XPO4: variants seen among roughly 807,000 people sequenced by gnomAD.
XPO4 encodes exportin-4.
XPO4 carries 39 observed loss-of-function variants against 143.0 expected under a neutral mutation model. That is an observed-to-expected ratio of 0.27 (90% CI 0.21 to 0.36). The LOEUF is 0.36. XPO4 is among the 10% of genes least tolerant of loss of function. XPO4 has a pLI of 1.00. For synonymous variants in XPO4, 439 were observed against 474.0 expected, an observed-to-expected ratio of 0.93 and a Z score of 0.96; for missense variants, 907 against 1,348.0, an observed-to-expected ratio of 0.67 and a Z score of 5.12.
chr13:20,888,513 GA>G (rs759679623), intron 1 of XPO4, among the ~76,000 whole-genome samples: 38 of 152,120 alleles, frequency 2.5e-4, no homozygotes, highest in Non-Finnish European at 3.4e-4. Context: ...TCCACACATG[GA>G]TAATTTTTTA....
In XPO4 at chr13:20,782,498, A is replaced by C. The variant is rs1213357714; in HGVS notation, c.*1224T>G. 2 of 152,678 alleles carry C rather than the reference A, an allele frequency of 1.3e-5. No individual in the cohort carries two copies. The highest frequency in any genetic ancestry group is 4.8e-5 in the African/African-American group (2 of 41,452). 9.5% of individuals were successfully genotyped at this position (152,678 alleles called of 1,614,324 possible). A position where few individuals can be genotyped will look rare whatever the true frequency, so the allele number is the denominator to read the frequency against. On this transcript the variant is annotated 3_prime_UTR_variant, in exon 23 of 23. Coordinates refer to ENST00000255305, the MANE Select transcript of XPO4 (RefSeq NM_022459.5). ...ATTTTTAATCTCTGAAATTAAATTC[A>C]CTGGCTCCCATGTCTGGATAAGAAT...
At chr13:20,857,578 T>A (rs2060156219) in intron 3 of XPO4, among the ~76,000 whole-genome samples, 1 of 150,682 alleles carries the variant, frequency 6.6e-6, no homozygotes, top group Admixed American at 6.6e-5. Flanking sequence ...AAAAAAAAAA[T>A]TAGCCAGGCG....
At chr13:20,897,063 GCTT>G (rs2060576432) in intron 1 of XPO4, among the ~76,000 whole-genome samples, 1 of 152,054 alleles carries the variant, frequency 6.6e-6, no homozygotes, top group South Asian at 2.1e-4. Context: ...CTATTAATTA[GCTT>G]TTTTGAGAAA....
At chr13:20,853,369 T>TA (rs1456397317) in intron 4 of XPO4, among the ~76,000 whole-genome samples, 1 of 145,256 alleles carries the variant, frequency 6.9e-6, no homozygotes, top group East Asian at 2.1e-4. Context: ...CCTACCCAGG[T>TA]ACAGTAGCCT....
rs772153118 is a variant in XPO4 at position 20,843,054 on chromosome 13, G to A, written c.574-6C>T. The A allele has an allele frequency of 6.3e-6, 10 of 1,597,010 alleles. No individual in the cohort carries two copies. The South Asian group carries it at 1.1e-4, about 18-fold the overall frequency. Reference sequence around the variant, plus strand: ...ATCTGACGAAGGTCTTCTTCCTATAGTCAATAAATCACAAATATTTTATAT... The same window carrying A: ...ATCTGACGAAGGTCTTCTTCCTATAATCAATAAATCACAAATATTTTATAT... On this transcript the variant is annotated splice_region_variant and splice_polypyrimidine_tract_variant and intron_variant, in intron 5 of 22. Coordinates refer to ENST00000255305, the MANE Select transcript of XPO4 (RefSeq NM_022459.5).
intron 1 of XPO4, among the ~76,000 whole-genome samples, chr13:20,879,745 A>T (rs2060388324): frequency 6.6e-6 from 1 of 152,216 alleles, no homozygotes; most frequent in South Asian, 2.1e-4. Flanking sequence ...ACTTCTGTAC[A>T]TCAAATGACA....
At chr13:20,881,945 T>A (rs1376738984) in intron 1 of XPO4, among the ~76,000 whole-genome samples, 1 of 151,364 alleles carries the variant, frequency 6.6e-6, no homozygotes, top group Non-Finnish European at 1.5e-5. Context: ...CCGTCTCTAC[T>A]AAAAATACAA....
At chr13:20,816,554 A>G (rs1380224463) in intron 9 of XPO4, among the ~76,000 whole-genome samples, 1 of 152,258 alleles carries the variant, frequency 6.6e-6, no homozygotes, top group East Asian at 1.9e-4. Flanking sequence ...TTTAGTAGAC[A>G]AGTATTGCAG....
intron 18 of XPO4, among the ~76,000 whole-genome samples, chr13:20,792,375 G>A (rs770063950): frequency 4.6e-5 from 7 of 151,962 alleles, no homozygotes; most frequent in Non-Finnish European, 8.8e-5. Context: ...GGCGGATCAC[G>A]AGGTCAGGAG....
intron 4 of XPO4, among the ~76,000 whole-genome samples, chr13:20,853,352 A>G (rs868209181): frequency 1.3e-5 from 2 of 150,810 alleles, no homozygotes; most frequent in African/African-American, 4.9e-5. Flanking sequence ...AAAAAAAAAA[A>G]TAGCTTCCTA....
At chr13:20,796,741 G>A (rs1366014805) in intron 17 of XPO4, 23 bp downstream of exon 17, 1 of 1,538,336 alleles carries the variant, frequency 6.5e-7, no homozygotes, top group African/African-American at 1.4e-5. Context: ...AATCCTGAGG[G>A]GATAAAATTA....
intron 21 of XPO4, among the ~76,000 whole-genome samples, 166 bp downstream of exon 21, chr13:20,787,315 T>C (rs1013137861): frequency 6.6e-6 from 1 of 152,160 alleles, no homozygotes; most frequent in African/African-American, 2.4e-5. Context: ...AGGATGAGAA[T>C]GTGTCCATGA....
intron 4 of XPO4, chr13:20,850,779 A>G (rs2060077058): frequency 1.0e-6 from 1 of 984,940 alleles, no homozygotes. Flanking sequence ...ACAACAAAAC[A>G]AACAAATGAA....
chr13:20,818,010 G>T (rs2059671689), intron 9 of XPO4, among the ~76,000 whole-genome samples: 2 of 152,052 alleles, frequency 1.3e-5, no homozygotes, highest in Admixed American at 1.3e-4. Flanking sequence ...TGGCCAGGCT[G>T]GTCTCCTCAC....
chr13:20,866,563 G>C (rs2060247273), intron 2 of XPO4, among the ~76,000 whole-genome samples: 1 of 152,158 alleles, frequency 6.6e-6, no homozygotes, highest in Non-Finnish European at 1.5e-5. Flanking sequence ...TGAATAAGGA[G>C]TGAAAAGATT....
At chr13:20,860,720 AC>A (rs1230914058) in intron 3 of XPO4, among the ~76,000 whole-genome samples, 1 of 152,226 alleles carries the variant, frequency 6.6e-6, no homozygotes, top group East Asian at 1.9e-4. Flanking sequence ...GACCCACCAA[AC>A]AAAAACCAAT....
At chr13:20,801,658 G>A (rs2059434402) in intron 13 of XPO4, among the ~76,000 whole-genome samples, 1 of 152,178 alleles carries the variant, frequency 6.6e-6, no homozygotes, top group South Asian at 2.1e-4. Context: ...CTTTGTTGAG[G>A]AGGGCACATA....
chr13:20,902,460 G>A, intron 1 of XPO4: 1 of 985,434 alleles, frequency 1.0e-6, no homozygotes, highest in Non-Finnish European at 1.2e-6. Context: ...GGGCAGCCAG[G>A]GGAAGGGGAC....
chr13:20,898,870 C>A (rs974066200), intron 1 of XPO4, among the ~76,000 whole-genome samples: 1 of 152,170 alleles, frequency 6.6e-6, no homozygotes, highest in Admixed American at 6.6e-5. Flanking sequence ...ACACAATTAC[C>A]ATACCATATC....
Sources: allele counts gnomAD v4.1 joint callset (sites outside exome capture counted in the v4.1 genomes callset), GRCh38; gene constraint gnomAD v4.1.1; transcripts MANE v1.5; gene names NCBI Gene and HGNC (gene_info 2026-07-23, HGNC 2026-07-21).